The following PARG variants were observed in gnomAD, a reference collection of about 807,000 sequenced individuals.
The protein encoded by PARG is poly(ADP-ribose) glycohydrolase, also known as mitochondrial poly(ADP-ribose) glycohydrolase.
PARG carries 35 observed loss-of-function variants against 113.0 expected under a neutral mutation model. The observed-to-expected ratio is 0.31, with a 90% CI of 0.24 to 0.41. The LOEUF is 0.41. Among genes scored for constraint, PARG ranks in the 10% least tolerant of loss-of-function variants. The pLI is 1.00. For missense variants in PARG, 797 were observed against 1,169.4 expected (o/e 0.68, Z 4.64); for synonymous variants, 330 against 409.9 (o/e 0.81, Z 2.36).
At chr10:49,930,025 C>T (rs1838409420) in intron 4 of PARG, among the ~76,000 whole-genome samples, 3 of 151,912 alleles carry the variant, frequency 2.0e-5, no homozygotes, top group African/African-American at 7.2e-5. Context: ...ATTCATCCAT[C>T]TATACAGTTG....
At chr10:49,853,473 G>GT (rs1456476045) in intron 13 of PARG, among the ~76,000 whole-genome samples, 10 of 151,870 alleles carry the variant, frequency 6.6e-5, no homozygotes, top group Middle Eastern at 3.4e-3. Context: ...ATTTATGCCA[G>GT]TTTTTTTTGT....
intron 7 of PARG, among the ~76,000 whole-genome samples, chr10:49,899,116 T>A (rs1848235223): frequency 6.6e-6 from 1 of 152,238 alleles, no homozygotes; most frequent in South Asian, 2.1e-4. Flanking sequence ...CTCCATTGCC[T>A]TTCAGAATCT....
At chr10:49,929,609 C>T (rs1170146644) in intron 4 of PARG, among the ~76,000 whole-genome samples, 1 of 152,226 alleles carries the variant, frequency 6.6e-6, no homozygotes, top group Non-Finnish European at 1.5e-5. Flanking sequence ...GGGCAGATCA[C>T]CTGAGGTCGG....
chr10:49,908,458 A>G (rs1480735156), intron 7 of PARG: 2 of 152,136 alleles, frequency 1.3e-5, no homozygotes, highest in Non-Finnish European at 2.9e-5. Flanking sequence ...TGCAGACCTT[A>G]TGATTCCAGA....
At chr10:49,851,047 G>C (rs1845737676) in intron 13 of PARG, among the ~76,000 whole-genome samples, 1 of 152,194 alleles carries the variant, frequency 6.6e-6, no homozygotes, top group Non-Finnish European at 1.5e-5. Flanking sequence ...GGGCCTTTAA[G>C]ACTTCATAGT....
chr10:49,925,842 T>C (rs1308006542), intron 4 of PARG, among the ~76,000 whole-genome samples: 65 of 152,350 alleles, frequency 4.3e-4, no homozygotes, highest in Admixed American at 6.5e-4. Context: ...ATTGAACACT[T>C]GAACAAAGGA....
chr10:49,933,945 A>G lies in PARG; in HGVS notation c.503T>C (p.Leu168Ser), dbSNP rs1838618221. 6.2e-7 allele frequency: 1 copy of G among 1,603,898 alleles called. No individual in the cohort carries two copies. The highest frequency in any genetic ancestry group is 1.3e-5 in the African/African-American group (1 of 74,726). Reference protein sequence around the residue: ...QNEGKHTEQLLESEPQTVTLV... With the variant: ...QNEGKHTEQLSESEPQTVTLV... ...GGTTACTGTTTGAGGTTCACTTTCC[A>G]AAAGCTGCTCCGTGTGTTTCCCTTC... The change falls in exon 3 of 18, where the codon TTG (leucine) becomes TCG (serine). Residue 168 changes from leucine to serine, a missense_variant. Physicochemically the swap from Leu to Ser is moderately radical, Grantham distance 145. This residue lies in a region of PARG where 284 missense variants were observed against 306.1 expected (regional missense o/e 0.93). Coordinates refer to ENST00000616448, the MANE Select transcript of PARG (RefSeq NM_003631.5).
At chr10:49,866,192 T>A (rs1357533533) in intron 10 of PARG, among the ~76,000 whole-genome samples, 3 of 152,144 alleles carry the variant, frequency 2.0e-5, no homozygotes, top group African/African-American at 7.2e-5. Context: ...CAGAAGTAAT[T>A]TGTCTGATTC....
Position 49,837,227 on chromosome 10 carries a change from T to C in PARG, c.2542-4319A>G, listed in dbSNP as rs149958465. Among the ~76,000 whole-genome samples the C allele has an allele frequency of 8.1e-3, 1,232 of 152,204 alleles. 12 individuals are homozygous for C. Among genetic ancestry groups the C allele is most frequent in the African/African-American group, 0.028 (1,145 of 41,520 alleles). ...GAGGCCTGGAAAGCACTTTGTAGGA[T>C]TGGCTTTTCAATTATTAACTGGTGA... On this transcript the variant is annotated intron_variant, in intron 15 of 17. Transcript: ENST00000616448.
At chr10:49,919,576 T>A (rs1837684811) in intron 6 of PARG, among the ~76,000 whole-genome samples, 1 of 152,032 alleles carries the variant, frequency 6.6e-6, no homozygotes, top group South Asian at 2.1e-4. Flanking sequence ...CCCAGTACTT[T>A]GGGAGGCCAA....
At chr10:49,888,395 A>G (rs1193089319) in intron 7 of PARG, among the ~76,000 whole-genome samples, 1 of 151,886 alleles carries the variant, frequency 6.6e-6, no homozygotes, top group East Asian at 1.9e-4. Context: ...ATTTCTTTAG[A>G]CATTACTTTA....
chr10:49,906,116 T>C (rs1396491443), intron 7 of PARG, among the ~76,000 whole-genome samples: 3 of 149,368 alleles, frequency 2.0e-5, no homozygotes, highest in Admixed American at 6.7e-5. Context: ...AGCTGGTAGG[T>C]GCTTTCCCTG....
chr10:49,941,936 T>G lies in PARG; in HGVS notation c.-211A>C. 8.2e-6 allele frequency: 8 copies of G among 976,590 alleles called. No individual in the cohort carries two copies. The South Asian group carries it at 9.8e-5, about 12-fold the overall frequency. 60.5% of individuals were successfully genotyped at this position (976,590 alleles called of 1,614,324 possible). ...TTCCCTCTTCCACTGGCACCCCACC[T>G]GCCTCAATGCGCCGCTTTGATTCGG... On this transcript the variant is annotated 5_prime_UTR_variant, in exon 1 of 18. Coordinates refer to ENST00000616448, the MANE Select transcript of PARG (RefSeq NM_003631.5).
Position 49,842,225 on chromosome 10 carries a change from T to C in PARG, c.2433-167A>G, listed in dbSNP as rs1261342008. ...AAGGAAAGGAAACACCCTTTATTTT[T>C]AGATTGAGGCATATACAGTGTGCAC... On this transcript the variant is annotated intron_variant, in intron 14 of 17. Transcript: ENST00000616448. Among the ~76,000 whole-genome samples the C allele has an allele frequency of 1.2e-4, 19 of 152,208 alleles. 1 individual carries two copies. The highest frequency in any genetic ancestry group is 2.4e-5 in the African/African-American group (1 of 41,462).
chr10:49,905,962 A>T (rs1848565239), intron 7 of PARG, among the ~76,000 whole-genome samples: 1 of 150,940 alleles, frequency 6.6e-6, no homozygotes, highest in African/African-American at 2.4e-5. Flanking sequence ...CATCAACATG[A>T]ATATCAACTG....
intron 11 of PARG, among the ~76,000 whole-genome samples, chr10:49,862,840 C>A (rs1846319304): frequency 6.6e-6 from 1 of 151,724 alleles, no homozygotes; most frequent in African/African-American, 2.4e-5. Context: ...ATTTTTTTAA[C>A]TTCCTTTTTT....
At chr10:49,937,474 T>C (rs1281788654) in intron 1 of PARG, among the ~76,000 whole-genome samples, 1 of 115,802 alleles carries the variant, frequency 8.6e-6, no homozygotes, top group African/African-American at 2.8e-5. Context: ...AGACTCTGTC[T>C]CAAAAAAAAA....
chr10:49,934,572 G>A lies in PARG; in HGVS notation c.285-409C>T, dbSNP rs1387290569. 4.7e-4 allele frequency among the ~76,000 whole-genome samples: 71 copies of A among 152,138 alleles called. No homozygotes were observed. In the East Asian group the frequency reaches 0.011, roughly 24 times the overall value. On this transcript the variant is annotated intron_variant, in intron 2 of 17. Coordinates refer to ENST00000616448, the MANE Select transcript of PARG (RefSeq NM_003631.5). ...AGTATCTTAAAGACACAGACTGGCCGGGCGCAGTGGCTCACACCTGTAATC... is the reference window on the plus strand; with the variant it reads ...AGTATCTTAAAGACACAGACTGGCCAGGCGCAGTGGCTCACACCTGTAATC...
intron 16 of PARG, among the ~76,000 whole-genome samples, chr10:49,828,413 C>T (rs2132378107): frequency 6.6e-6 from 1 of 152,310 alleles, no homozygotes; most frequent in Non-Finnish European, 1.5e-5. Context: ...ATAAGTAGAG[C>T]TTGCACTGGC....
Sources: allele counts gnomAD v4.1 joint callset (sites outside exome capture counted in the v4.1 genomes callset), GRCh38; gene constraint gnomAD v4.1.1; regional missense constraint gnomAD v4.1.1; transcripts MANE v1.5; gene names NCBI Gene and HGNC (gene_info 2026-07-23, HGNC 2026-07-21).